ZNF292: variants seen among roughly 807,000 people sequenced by gnomAD.
ZNF292 encodes the protein zinc finger protein 292.
ZNF292 carries 26 observed loss-of-function variants against 217.9 expected under a neutral mutation model. That is an observed-to-expected ratio of 0.12 (90% CI 0.09 to 0.17). The LOEUF (loss-of-function observed/expected upper bound fraction) is 0.17. Among genes scored for constraint, ZNF292 ranks in the 10% least tolerant of loss-of-function variants. The probability of loss-of-function intolerance (pLI) is 1.00; values close to 1 mark genes in which losing one functional copy is unlikely to be tolerated. For missense variants in ZNF292, 2,904 were observed against 3,175.2 expected (o/e 0.91, Z 2.05); for synonymous variants, 1,257 against 1,124.1 (o/e 1.12, Z -2.37).
intron 1 of ZNF292, among the ~76,000 whole-genome samples, chr6:87,163,536 T>C (rs537159264): frequency 6.6e-6 from 1 of 152,176 alleles, no homozygotes; most frequent in Non-Finnish European, 1.5e-5. Flanking sequence ...AAATTGTTCT[T>C]ATGTGGGAAC....
chr6:87,249,272 G>A, intron 7 of ZNF292: 1 of 274,438 alleles, frequency 3.6e-6, no homozygotes, highest in Non-Finnish European at 7.7e-6. Context: ...GACTACAGGT[G>A]TGTACCATCA....
At chr6:87,208,466 C>A (rs1198765183) in intron 1 of ZNF292, among the ~76,000 whole-genome samples, 3 of 151,486 alleles carry the variant, frequency 2.0e-5, no homozygotes, top group Non-Finnish European at 4.4e-5. Flanking sequence ...TCTTTTTTCC[C>A]TTAACTATTT....
In ZNF292 at chr6:87,216,384, A is replaced by C. The variant is rs756200934; in HGVS notation, c.402+7A>C. 5 of 1,559,008 alleles carry C rather than the reference A, an allele frequency of 3.2e-6. No individual in the cohort carries two copies. Among genetic ancestry groups the C allele is most frequent in the Non-Finnish European group, 4.4e-6 (5 of 1,147,018 alleles). On this transcript the variant is annotated splice_region_variant and intron_variant, in intron 3 of 7. Transcript: ENST00000369577. The stretch of plus-strand genomic sequence containing the variant: ...ATTTCAGACACTGGTGCAGGTGAGA[A>C]TCTTTATCTTTAGATTTAATACAGG...
intron 4 of ZNF292, 23 bp downstream of exon 4, chr6:87,218,754 A>G: frequency 6.4e-7 from 1 of 1,551,328 alleles, no homozygotes; most frequent in Non-Finnish European, 8.7e-7. Context: ...GAGACAGAGA[A>G]AAAAAAGAAT....
In ZNF292 at chr6:87,256,107, G is replaced by A. The variant is rs1562182547; in HGVS notation, c.2478G>A (p.Lys826=). Residue 826 remains lysine (K), a synonymous_variant, in exon 8 of 8, where the codon AAG becomes AAA. Transcript: ENST00000369577. ...ATCGTTCTCAGGGTGAGCTGGAAAA[G>A]CATCTGGATGATCACAGTACTCCTC... ...KVYRSQGELE[K]HLDDHSTPPE... is the part of the protein sequence containing the mutation. 4.3e-6 allele frequency: 7 copies of A among 1,613,564 alleles called. No individual in the cohort carries two copies. The highest frequency in any genetic ancestry group is 5.9e-6 in the Non-Finnish European group (7 of 1,179,744).
chr6:87,172,980 A>G (rs1364709916), intron 1 of ZNF292, among the ~76,000 whole-genome samples: 1 of 152,148 alleles, frequency 6.6e-6, no homozygotes, highest in African/African-American at 2.4e-5. Context: ...TTCAAATAAA[A>G]TTAAAAACCT....
intron 1 of ZNF292, among the ~76,000 whole-genome samples, chr6:87,212,045 T>A (rs1772510597): frequency 1.3e-5 from 2 of 152,204 alleles, no homozygotes; most frequent in Admixed American, 1.3e-4. Context: ...CTGTCCAACT[T>A]GGCTACAATG....
intron 1 of ZNF292, among the ~76,000 whole-genome samples, chr6:87,194,243 A>G (rs1771896862): frequency 1.3e-5 from 2 of 152,212 alleles, no homozygotes; most frequent in Non-Finnish European, 2.9e-5. Flanking sequence ...AATGATAAAT[A>G]TAGAAGGAAT....
intron 1 of ZNF292, among the ~76,000 whole-genome samples, chr6:87,183,901 A>G (rs1189278183): frequency 1.3e-5 from 2 of 152,242 alleles, no homozygotes; most frequent in African/African-American, 2.4e-5. Flanking sequence ...GGTCAGCCAA[A>G]AACTGTAATG....
At chr6:87,216,104 CAT>C (rs1339612614) in intron 2 of ZNF292, 47 bp downstream of exon 2, 6 of 672,026 alleles carry the variant, frequency 8.9e-6, no homozygotes, top group Non-Finnish European at 1.3e-5. Context: ...TTTAAAAATA[CAT>C]AGACACACAC....
chr6:87,193,437 G>T lies in ZNF292; in HGVS notation c.169-22466G>T, dbSNP rs1432304964. On this transcript the variant is annotated intron_variant, in intron 1 of 7. Coordinates refer to ENST00000369577, the MANE Select transcript of ZNF292 (RefSeq NM_015021.3). Reference sequence around the variant, plus strand: ...CACCTGTAGTTCCAGCTACTTGGGAGGCTGAGGTGGGAGGATTGCTTGAGC... The same window carrying T: ...CACCTGTAGTTCCAGCTACTTGGGATGCTGAGGTGGGAGGATTGCTTGAGC... Among the ~76,000 whole-genome samples, 9 of 152,052 alleles carry T rather than the reference G, an allele frequency of 5.9e-5. No homozygotes were observed. The East Asian group carries it at 1.5e-3, about 26-fold the overall frequency.
At position 87,258,068 on chromosome 6, in the gene ZNF292, C is replaced by G. The variant is rs147238155; in HGVS notation, c.4439C>G (p.Thr1480Ser). The change falls in exon 8 of 8, where the codon ACC becomes AGC. Residue 1480 changes from threonine to serine, a missense_variant. By Grantham distance (58) the Thr-to-Ser change is moderately conservative. Around this residue, in one of 15 missense-constraint regions of ZNF292, gnomAD observed 622 missense variants for 573.1 expected, o/e 1.09. Transcript: ENST00000369577. ...CGATCTGGTGTGACTAACTTTAATA[C>G]CAGTGTCAGTCAAGAAGGTAGTGAA... ...FPRSGVTNFN[T>S]SVSQEGSEII... 1 of 1,613,538 alleles carries G rather than the reference C, an allele frequency of 6.2e-7. No homozygotes were observed. Among genetic ancestry groups the G allele is most frequent in the Admixed American group, 1.7e-5 (1 of 59,898 alleles).
rs541186604 is a variant in ZNF292, at chr6:87,265,109, T to TCTC, written c.*3308_*3309insCTC. On this transcript the variant is annotated 3_prime_UTR_variant, in exon 8 of 8. Transcript: ENST00000369577. ...TGTAGTTCTCTCTCTCTCTCTCTCT[T>TCTC]TTTTTTTCTTTGTTTTTTTTGGAGA... 3.6e-3 allele frequency among the ~76,000 whole-genome samples: 540 copies of TCTC among 151,556 alleles called. 1 individual carries two copies. The highest frequency in any genetic ancestry group is 0.013 in the African/African-American group (519 of 41,026).
rs1226837504 is a variant in ZNF292, at chr6:87,255,510, G to A, written c.1881G>A (p.Val627=). Reference sequence around the variant, plus strand: ...ATGAAAATCAGAAGACTAATACTGTGGCTAAACAGGAGCAGCGACCTATAA... The same window carrying A: ...ATGAAAATCAGAAGACTAATACTGTAGCTAAACAGGAGCAGCGACCTATAA... ...TTNENQKTNT[V]AKQEQRPIKK... The change falls in exon 8 of 8, where the codon GTG becomes GTA. Residue 627 remains valine (V), a synonymous_variant. Transcript: ENST00000369577. 3.1e-6 allele frequency: 5 copies of A among 1,613,034 alleles called. No homozygotes were observed. The highest frequency in any genetic ancestry group is 2.7e-5 in the African/African-American group (2 of 74,846).
intron 1 of ZNF292, among the ~76,000 whole-genome samples, chr6:87,174,757 A>G (rs894485382): frequency 5.3e-5 from 8 of 152,190 alleles, no homozygotes; most frequent in Non-Finnish European, 1.0e-4. Context: ...GATTTTAAAT[A>G]TATTTCTCTG....
chr6:87,251,311 G>A (rs1228073361), intron 7 of ZNF292, among the ~76,000 whole-genome samples: 3 of 152,218 alleles, frequency 2.0e-5, no homozygotes, highest in African/African-American at 4.8e-5. Flanking sequence ...GGTAAAGCAT[G>A]ATGTTATGAG....
intron 3 of ZNF292, among the ~76,000 whole-genome samples, chr6:87,217,232 A>G (rs1280574813): frequency 6.6e-6 from 1 of 152,088 alleles, no homozygotes; most frequent in African/African-American, 2.4e-5. Flanking sequence ...ATAGTTAGGC[A>G]GAGAAATAAA....
At chr6:87,214,616 C>T (rs926020371) in intron 1 of ZNF292, among the ~76,000 whole-genome samples, 21 of 152,120 alleles carry the variant, frequency 1.4e-4, no homozygotes, top group African/African-American at 5.1e-4. Context: ...CCCGACACCC[C>T]ATCCTACATC....
chr6:87,219,685 C>T (rs991194767), intron 4 of ZNF292, among the ~76,000 whole-genome samples: 1 of 152,160 alleles, frequency 6.6e-6, no homozygotes, highest in South Asian at 2.1e-4. Flanking sequence ...CTTTCTTGAT[C>T]GTTCTAGCAG....
Sources: gnomAD v4.1 joint callset for allele counts (sites outside exome capture counted in the v4.1 genomes callset) on GRCh38, gnomAD v4.1.1 for gene constraint, gnomAD v4.1.1 regional missense constraint, MANE v1.5 for transcripts, NCBI Gene and HGNC (gene_info 2026-07-23, HGNC 2026-07-21) for gene names.